The following EDIL3 variants were observed in gnomAD, a reference collection of about 807,000 sequenced individuals.
The protein encoded by EDIL3 is EGF-like repeat and discoidin I-like domain-containing protein 3.
In EDIL3, 37 loss-of-function variants were observed where a neutral mutation model predicts 67.4. That is an observed-to-expected ratio of 0.55 (90% confidence interval 0.42 to 0.72). The LOEUF is 0.72. Among genes scored for constraint, EDIL3 ranks in the 30% least tolerant of loss-of-function variants. EDIL3 has a pLI of 0.00. For synonymous variants in EDIL3, 195 were observed against 196.3 expected, an observed-to-expected ratio of 0.99 and a Z score of 0.05; for missense variants, 527 against 586.3, an observed-to-expected ratio of 0.90 and a Z score of 1.04.
At chr5:84,295,909 G>T (rs994355446) in intron 1 of EDIL3, among the ~76,000 whole-genome samples, 4 of 152,116 alleles carry the variant, frequency 2.6e-5, no homozygotes, top group Admixed American at 1.3e-4. Context: ...GTTATTACAG[G>T]CATGTGACAG....
intron 3 of EDIL3, among the ~76,000 whole-genome samples, chr5:84,198,755 C>T (rs1306061506): frequency 1.5e-5 from 1 of 67,608 alleles, no homozygotes; most frequent in African/African-American, 9.3e-5. Flanking sequence ...TCTCACATGT[C>T]ATAAAAAAAT....
intron 9 of EDIL3, among the ~76,000 whole-genome samples, chr5:83,986,653 G>GTA (rs1213487711): frequency 2.0e-5 from 3 of 151,962 alleles, no homozygotes; most frequent in African/African-American, 7.2e-5. Flanking sequence ...GCAGACTTGT[G>GTA]TATATATATA....
Position 83,942,459 on chromosome 5 carries a change from T to A in EDIL3, c.*960A>T, listed in dbSNP as rs1208897615. 3.3e-5 allele frequency: 5 copies of A among 152,004 alleles called. No individual in the cohort carries two copies. Among genetic ancestry groups the A allele is most frequent in the Non-Finnish European group, 7.4e-5 (5 of 67,950 alleles). The allele number at this position is 152,004 out of a possible 1,614,324, so 9.4% of individuals were successfully genotyped here. A position where few individuals can be genotyped will look rare whatever the true frequency, so the allele number is the denominator to read the frequency against. On this transcript the variant is annotated 3_prime_UTR_variant, in exon 11 of 11. Coordinates refer to ENST00000296591, the MANE Select transcript of EDIL3 (RefSeq NM_005711.5). ...ATTAATATTTCTTTGCTAAATTTTT[T>A]ATAAAATAAACAAATAAGCCGATTT...
intron 9 of EDIL3, among the ~76,000 whole-genome samples, chr5:84,055,286 C>T (rs7733746): frequency 0.21 from 30,763 of 145,672 alleles, 5,324 homozygotes; most frequent in Admixed American, 0.26. Context: ...ATCCCTTCCT[C>T]GCACCTTATA....
At chr5:84,023,360 A>G (rs1057088391) in intron 9 of EDIL3, among the ~76,000 whole-genome samples, 1 of 152,080 alleles carries the variant, frequency 6.6e-6, no homozygotes, top group Non-Finnish European at 1.5e-5. Flanking sequence ...TGTATACATC[A>G]TAAACAATGT....
chr5:84,286,826 G>T (rs1745815000), intron 1 of EDIL3, among the ~76,000 whole-genome samples: 1 of 152,114 alleles, frequency 6.6e-6, no homozygotes, highest in Non-Finnish European at 1.5e-5. Context: ...CAGCTGTTCA[G>T]CATTCAAGGT....
At chr5:84,316,746 T>C (rs919631398) in intron 1 of EDIL3, among the ~76,000 whole-genome samples, 2 of 152,132 alleles carry the variant, frequency 1.3e-5, no homozygotes, top group South Asian at 2.1e-4. Flanking sequence ...AACTCAGCTC[T>C]GGACCAAGTG....
chr5:84,356,180 C>T (rs1189396293), intron 1 of EDIL3, among the ~76,000 whole-genome samples: 3 of 151,874 alleles, frequency 2.0e-5, no homozygotes, highest in South Asian at 2.1e-4. Context: ...AAGAAACAAA[C>T]CTTTGGGAGG....
chr5:84,190,591 A>G (rs200147718), intron 3 of EDIL3, among the ~76,000 whole-genome samples: 79,374 of 136,474 alleles, frequency 0.58, 22,887 homozygotes, highest in East Asian at 0.63. Flanking sequence ...ATATATATAT[A>G]TATATATATA....
At chr5:83,961,799 T>C (rs1029234443) in intron 10 of EDIL3, among the ~76,000 whole-genome samples, 1 of 151,350 alleles carries the variant, frequency 6.6e-6, no homozygotes, top group East Asian at 1.9e-4. Context: ...CAAAATAAGT[T>C]TGAAAATAAT....
intron 1 of EDIL3, among the ~76,000 whole-genome samples, chr5:84,377,307 CA>C (rs773972385): frequency 0.17 from 11,312 of 68,028 alleles, 383 homozygotes; most frequent in South Asian, 0.3. Context: ...GACTCCGTCT[CA>C]AAAAAAAAAA....
chr5:84,166,983 C>A (rs879547697), intron 4 of EDIL3, among the ~76,000 whole-genome samples: 1 of 152,052 alleles, frequency 6.6e-6, no homozygotes, highest in African/African-American at 2.4e-5. Flanking sequence ...CGAACAGGAA[C>A]GGGGCATGCC....
chr5:84,022,700 C>T (rs1745739901), intron 9 of EDIL3, among the ~76,000 whole-genome samples: 2 of 151,770 alleles, frequency 1.3e-5, no homozygotes, highest in Admixed American at 6.6e-5. Flanking sequence ...ATCTAAAATA[C>T]TTTATCTCAT....
intron 9 of EDIL3, among the ~76,000 whole-genome samples, chr5:83,970,918 G>T (rs1744780794): frequency 6.6e-6 from 1 of 151,230 alleles, no homozygotes; most frequent in African/African-American, 2.4e-5. Flanking sequence ...ATGCTCAAAA[G>T]GTTTTCTTGA....
intron 6 of EDIL3, among the ~76,000 whole-genome samples, chr5:84,095,719 C>T (rs1580324588): frequency 6.6e-6 from 1 of 152,142 alleles, no homozygotes; most frequent in Admixed American, 6.5e-5. Flanking sequence ...CCTGACAATG[C>T]AATAGAAAAG....
chr5:84,338,322 C>T (rs564031913), intron 1 of EDIL3, among the ~76,000 whole-genome samples: 44 of 152,234 alleles, frequency 2.9e-4, no homozygotes, highest in African/African-American at 9.4e-4. Context: ...TCTTAAAATG[C>T]GCTTATGCGA....
chr5:84,106,303 T>C (rs1374973637), intron 6 of EDIL3, among the ~76,000 whole-genome samples: 3 of 152,116 alleles, frequency 2.0e-5, no homozygotes, highest in Non-Finnish European at 4.4e-5. Flanking sequence ...AACATTGATA[T>C]AATTTTTATG....
chr5:84,053,521 C>G (rs1297545393), intron 9 of EDIL3, among the ~76,000 whole-genome samples: 2 of 152,050 alleles, frequency 1.3e-5, no homozygotes, highest in Non-Finnish European at 2.9e-5. Flanking sequence ...AATCCAGGAG[C>G]TGGTTTTTTG....
chr5:84,148,159 A>T (rs1748321045), intron 4 of EDIL3, among the ~76,000 whole-genome samples: 1 of 152,196 alleles, frequency 6.6e-6, no homozygotes, highest in Non-Finnish European at 1.5e-5. Context: ...CCTTATTATT[A>T]TATGAGTTAA....
Sources: gnomAD v4.1 joint callset for allele counts (sites outside exome capture counted in the v4.1 genomes callset) on GRCh38, gnomAD v4.1.1 for gene constraint, MANE v1.5 for transcripts, NCBI Gene and HGNC (gene_info 2026-07-23, HGNC 2026-07-21) for gene names.